Variants in MYH10 observed in about 807,000 individuals in gnomAD.
MYH10 encodes myosin heavy chain 10.
Under a neutral mutation model 257.8 loss-of-function variants are expected in MYH10, and 55 were observed. The observed-to-expected ratio is 0.21, with a 90% CI of 0.17 to 0.27. The LOEUF is 0.27. Among genes scored for constraint, MYH10 ranks in the 10% least tolerant of loss-of-function variants. MYH10 has a pLI of 1.00. For synonymous variants in MYH10, 854 were observed against 921.7 expected (o/e 0.93, Z 1.33); for missense variants, 1,631 against 2,500.6 (o/e 0.65, Z 7.42).
Position 8,553,991 on chromosome 17 carries a change from C to T in MYH10, c.784G>A (p.Val262Ile), listed in dbSNP as rs2082715886. ...FGKFIRINFD[V>I]TGYIVGANIE... ...TTGGCCCCAACGATATAGCCAGTTA[C>T]ATCAAAGTTGATCCGAATAAATTTG... is the stretch of plus-strand genomic sequence containing the variant. Residue 262 changes from valine (V) to isoleucine (I), a missense_variant, in exon 8 of 43, where the codon GTA becomes ATA. By Grantham distance (29) the Val-to-Ile change is conservative. Coordinates refer to ENST00000360416, the MANE Select transcript of MYH10 (RefSeq NM_001256012.3). The T allele has an allele frequency of 6.2e-7, 1 of 1,613,230 alleles. No homozygotes were observed. The highest frequency in any genetic ancestry group is 1.3e-5 in the African/African-American group (1 of 75,026).
intron 2 of MYH10, among the ~76,000 whole-genome samples, chr17:8,620,028 A>G (rs1020894974): frequency 2.8e-4 from 42 of 152,350 alleles, no homozygotes; most frequent in African/African-American, 9.6e-4. Context: ...TTTCTCAGTA[A>G]CTGACAAATC....
chr17:8,533,940 T>C (rs1352202222), intron 16 of MYH10, among the ~76,000 whole-genome samples: 2 of 152,148 alleles, frequency 1.3e-5, no homozygotes, highest in Admixed American at 6.5e-5. Context: ...ACTGCAACAT[T>C]ACTCCTCCCT....
At chr17:8,482,316 C>T (rs906412529) in intron 37 of MYH10, among the ~76,000 whole-genome samples, 5 of 152,200 alleles carry the variant, frequency 3.3e-5, no homozygotes, top group East Asian at 1.9e-4. Context: ...CAGGGCTGCA[C>T]GGGAGCTCCT....
At chr17:8,542,782 G>A (rs2082324737) in intron 13 of MYH10, among the ~76,000 whole-genome samples, 1 of 152,186 alleles carries the variant, frequency 6.6e-6, no homozygotes, top group Non-Finnish European at 1.5e-5. Context: ...GCTCTAAGGT[G>A]AGGTAGGAAA....
At position 8,490,669 on chromosome 17, in the gene MYH10, G is replaced by A. The variant is rs1915625344; in HGVS notation, c.4672-117C>T. ...ATGCTGGCCACTTTGGTCCCCCTGG[G>A]CCGGCCCCCTGCCACATGCATACAC... On this transcript the variant is annotated intron_variant, in intron 34 of 42. Coordinates refer to ENST00000360416, the MANE Select transcript of MYH10 (RefSeq NM_001256012.3). This position sits in a 1 kb window ranked among gnomAD's most constrained non-coding sequence, Gnocchi z 4.1. 2 of 927,506 alleles carry A rather than the reference G, an allele frequency of 2.2e-6. No homozygotes were observed. Among genetic ancestry groups the A allele is most frequent in the Non-Finnish European group, 3.4e-6 (2 of 588,002 alleles). The allele number at this position is 927,506 out of a possible 1,614,324, so 57.5% of individuals were successfully genotyped here. A position where few individuals can be genotyped will look rare whatever the true frequency, so the allele number is the denominator to read the frequency against.
At chr17:8,575,554 C>A (rs1011868581) in intron 6 of MYH10, among the ~76,000 whole-genome samples, 2 of 150,280 alleles carry the variant, frequency 1.3e-5, no homozygotes, top group African/African-American at 5.0e-5. Flanking sequence ...TTCATAGGTA[C>A]AGTACAGCTT....
chr17:8,520,847 C>A (rs375808373), intron 19 of MYH10, 31 bp downstream of exon 19: 1 of 1,576,526 alleles, frequency 6.3e-7, no homozygotes, highest in Non-Finnish European at 8.6e-7. Context: ...AACTCTGATA[C>A]ATAAGCAAAA....
intron 9 of MYH10, among the ~76,000 whole-genome samples, chr17:8,549,838 G>T (rs1410424512): frequency 6.6e-6 from 1 of 150,756 alleles, no homozygotes; most frequent in Non-Finnish European, 1.5e-5. Context: ...GCCTGCGATT[G>T]AAAGCTCGCG....
chr17:8,548,764 T>A lies in MYH10; in HGVS notation c.943A>T (p.Asn315Tyr), dbSNP rs1156873725. ...LKSDLLLEGFNNYRFLSNGYI... is the reference protein window; with the variant it reads ...LKSDLLLEGFYNYRFLSNGYI... ...CCATTGGAGAGAAACCTGTAGTTAT[T>A]AAATCCTTCAAGAAGCAAATCAGCT... Residue 315 changes from asparagine (N) to tyrosine (Y), a missense_variant, in exon 10 of 43, where the codon AAT (asparagine) becomes TAT (tyrosine). Asn to Tyr is a moderately radical substitution (Grantham distance 143). Around this residue, in one of 11 missense-constraint regions of MYH10, gnomAD observed 360 missense variants for 581.9 expected, o/e 0.62. Transcript: ENST00000360416. 11 of 1,612,164 alleles carry A rather than the reference T, an allele frequency of 6.8e-6. No homozygotes were observed. The highest frequency in any genetic ancestry group is 8.5e-6 in the Non-Finnish European group (10 of 1,178,584).
At chr17:8,591,089 G>GTCTC (rs1403350454) in intron 3 of MYH10, among the ~76,000 whole-genome samples, 1 of 151,886 alleles carries the variant, frequency 6.6e-6, no homozygotes, top group East Asian at 1.9e-4. Context: ...AGCCAGGATG[G>GTCTC]TCTCGATCTC....
intron 21 of MYH10, among the ~76,000 whole-genome samples, chr17:8,514,927 T>G (rs1473985268): frequency 6.6e-6 from 1 of 152,074 alleles, no homozygotes; most frequent in African/African-American, 2.4e-5. Flanking sequence ...GGACATCTCA[T>G]CCCTGCATTC....
At chr17:8,531,776 C>G (rs1366469919) in intron 16 of MYH10, among the ~76,000 whole-genome samples, 1 of 152,136 alleles carries the variant, frequency 6.6e-6, no homozygotes, top group African/African-American at 2.4e-5. Flanking sequence ...ATATATTCAT[C>G]TATTCATGTT....
At chr17:8,591,583 G>A (rs574754961) in intron 3 of MYH10, among the ~76,000 whole-genome samples, 4 of 152,180 alleles carry the variant, frequency 2.6e-5, no homozygotes, top group African/African-American at 9.6e-5. Flanking sequence ...AGTTGTTTAT[G>A]GTTTTTCGAA....
chr17:8,592,641 T>C (rs1173538252), intron 3 of MYH10, among the ~76,000 whole-genome samples: 1 of 150,934 alleles, frequency 6.6e-6, no homozygotes, highest in African/African-American at 2.4e-5. Flanking sequence ...TTAAAGAAAA[T>C]GAAATTGTAA....
chr17:8,626,581 TAA>T (rs2085687551), intron 1 of MYH10, among the ~76,000 whole-genome samples: 4 of 72,180 alleles, frequency 5.5e-5, no homozygotes, highest in African/African-American at 1.3e-4. Context: ...TAATAATAAA[TAA>T]TAATAATAAT....
intron 2 of MYH10, among the ~76,000 whole-genome samples, chr17:8,620,193 CAA>C (rs1233806271): frequency 6.6e-6 from 1 of 151,994 alleles, no homozygotes; most frequent in Non-Finnish European, 1.5e-5. Context: ...ATATACTACA[CAA>C]AAAAGTCTCC....
At chr17:8,497,315 G>C (rs944731853) in intron 30 of MYH10, among the ~76,000 whole-genome samples, 2 of 152,084 alleles carry the variant, frequency 1.3e-5, no homozygotes. Context: ...TACCAATAAG[G>C]ACTCATCGAC....
In MYH10 at chr17:8,506,504, A is replaced by G. The variant is rs1429992037; in HGVS notation, c.3215-15T>C. The G allele has an allele frequency of 2.5e-6, 4 of 1,607,282 alleles. No homozygotes were observed. The highest frequency in any genetic ancestry group is 4.5e-5 in the East Asian group (2 of 44,812). On this transcript the variant is annotated splice_polypyrimidine_tract_variant and intron_variant, in intron 26 of 42. Transcript: ENST00000360416. This position sits in a 1 kb window ranked among gnomAD's most constrained non-coding sequence, Gnocchi z 5.0. ...CTTTAAGCGTTCTTTAAGGTAAGAC[A>G]TAAGAAGCTCTTCAACACACCGAGT...
chr17:8,513,939 T>C lies in MYH10; in HGVS notation c.2505-45A>G, dbSNP rs763194035. ...ACTTATGATGTAAAGAAAAAAGTGC[T>C]TGAATGGCTGTTGTCATAAGAAGCC... On this transcript the variant is annotated intron_variant, in intron 21 of 42. Coordinates refer to ENST00000360416, the MANE Select transcript of MYH10 (RefSeq NM_001256012.3). 17 of 1,524,506 alleles carry C rather than the reference T, an allele frequency of 1.1e-5. No individual in the cohort carries two copies. The African/African-American group carries it at 1.4e-4, about 12-fold the overall frequency. The allele number at this position is 1,524,506 out of a possible 1,614,324, so 94.4% of individuals were successfully genotyped here.
Sources: allele counts gnomAD v4.1 joint callset (sites outside exome capture counted in the v4.1 genomes callset), GRCh38; gene constraint gnomAD v4.1.1; regional missense constraint gnomAD v4.1.1; non-coding constraint Gnocchi (gnomAD v3.1); transcripts MANE v1.5; gene names NCBI Gene and HGNC (gene_info 2026-07-23, HGNC 2026-07-21).